The following NCKAP5 variants were observed in gnomAD, a reference collection of about 807,000 sequenced individuals.
NCKAP5 encodes the protein nck-associated protein 5.
Under a neutral mutation model 167.0 loss-of-function variants are expected in NCKAP5, and 92 were observed. The ratio of observed to expected loss-of-function variants is 0.55; its 90% CI spans 0.47 to 0.66. The LOEUF (loss-of-function observed/expected upper bound fraction) is 0.66, where lower values mean the gene tolerates loss of function less well. Ranked by LOEUF, NCKAP5 falls within the 30% of genes least tolerant of loss-of-function variation. NCKAP5 has a pLI of 0.00. For synonymous variants in NCKAP5, 891 were observed against 877.4 expected, an observed-to-expected ratio of 1.02 and a Z score of -0.27; for missense variants, 2,378 against 2,315.0, an observed-to-expected ratio of 1.03 and a Z score of -0.56.
intron 9 of NCKAP5, among the ~76,000 whole-genome samples, chr2:132,878,366 T>A (rs879922426): frequency 6.6e-6 from 1 of 152,218 alleles, no homozygotes; most frequent in Non-Finnish European, 1.5e-5. Context: ...ACTGATTTTT[T>A]TCCCTCTGGT....
At chr2:132,857,146 T>C in intron 11 of NCKAP5, among the ~76,000 whole-genome samples, 1 of 151,372 alleles carries the variant, frequency 6.6e-6, no homozygotes, top group East Asian at 2.0e-4. Flanking sequence ...TGCTTAGAGA[T>C]CTTTTTGTTG....
chr2:133,328,174 C>G (rs1653098454), intron 3 of NCKAP5, among the ~76,000 whole-genome samples: 1 of 152,214 alleles, frequency 6.6e-6, no homozygotes, highest in Non-Finnish European at 1.5e-5. Context: ...CTGACTCCCA[C>G]TGGTAGCAGA....
intron 5 of NCKAP5, among the ~76,000 whole-genome samples, chr2:133,133,391 T>C (rs2082678328): frequency 6.6e-6 from 1 of 152,232 alleles, no homozygotes; most frequent in Admixed American, 6.5e-5. Flanking sequence ...TCCCATGTTC[T>C]TCGAGCAAGA....
chr2:133,403,476 A>C (rs1574890044), intron 3 of NCKAP5, among the ~76,000 whole-genome samples: 1 of 152,282 alleles, frequency 6.6e-6, no homozygotes, highest in Middle Eastern at 3.4e-3. Flanking sequence ...TGTTTTATTG[A>C]GTTTTGAAAA....
At position 133,130,105 on chromosome 2, in the gene NCKAP5, T is replaced by C; in HGVS notation, c.214A>G (p.Lys72Glu). 1 of 1,608,108 alleles carries C rather than the reference T, an allele frequency of 6.2e-7. No homozygotes were observed. The highest frequency in any genetic ancestry group is 8.5e-7 in the Non-Finnish European group (1 of 1,178,348). ...TCCTCTTCCAGTTCATGTATCAGCT[T>C]CTCATGCTATAAAAGACACAAAGGG... is the stretch of plus-strand genomic sequence containing the variant. ...QRTSEGAMHE[K>E]LIHELEEERH... The change falls in exon 6 of 20, where the codon AAG becomes GAG. Residue 72 changes from lysine to glutamate, a missense_variant. This residue lies in a region of NCKAP5 where 1,049 missense variants were observed against 1,023.4 expected (regional missense o/e 1.02). Coordinates refer to ENST00000409261, the MANE Select transcript of NCKAP5 (RefSeq NM_207363.3).
At chr2:133,506,177 A>C (rs1682989467) in intron 3 of NCKAP5, among the ~76,000 whole-genome samples, 1 of 152,222 alleles carries the variant, frequency 6.6e-6, no homozygotes, top group African/African-American at 2.4e-5. Flanking sequence ...ACACCATGTC[A>C]CTGGTTACAT....
At chr2:133,126,961 TA>T (rs919930152) in intron 6 of NCKAP5, among the ~76,000 whole-genome samples, 23 of 152,202 alleles carry the variant, frequency 1.5e-4, no homozygotes, top group Admixed American at 1.0e-3. Flanking sequence ...GTTATTAGCT[TA>T]GTTTTTAAAA....
chr2:133,317,135 G>A lies in NCKAP5; in HGVS notation c.70-14025C>T, dbSNP rs187571647. 5.3e-5 allele frequency among the ~76,000 whole-genome samples: 8 copies of A among 152,254 alleles called. No individual in the cohort carries two copies. In the South Asian group the frequency reaches 6.2e-4, roughly 12 times the overall value. ...GCACATGCCCTCACAAAAAATAAAC[G>A]TGTATCACCAATAGAGAACATGAAA... On this transcript the variant is annotated intron_variant, in intron 3 of 19. Transcript: ENST00000409261.
At chr2:133,331,318 A>G (rs1303680721) in intron 3 of NCKAP5, among the ~76,000 whole-genome samples, 2 of 152,248 alleles carry the variant, frequency 1.3e-5, no homozygotes, top group Non-Finnish European at 2.9e-5. Context: ...AAAGTTTAAC[A>G]TTAATGATTA....
At chr2:132,941,702 A>G (rs1697312662) in intron 8 of NCKAP5, among the ~76,000 whole-genome samples, 1 of 152,172 alleles carries the variant, frequency 6.6e-6, no homozygotes, top group Admixed American at 6.6e-5. Context: ...TCATGAGTCG[A>G]CAAATTCCGT....
At chr2:133,015,082 G>C (rs1197132256) in intron 6 of NCKAP5, among the ~76,000 whole-genome samples, 1 of 152,112 alleles carries the variant, frequency 6.6e-6, no homozygotes, top group African/African-American at 2.4e-5. Context: ...AAGCCAGATG[G>C]TAAAAGGCTT....
chr2:133,146,903 T>C (rs533567226), intron 5 of NCKAP5, among the ~76,000 whole-genome samples: 1 of 152,288 alleles, frequency 6.6e-6, no homozygotes, highest in East Asian at 1.9e-4. Context: ...AAGAAACAAT[T>C]GTTTAAATCA....
At chr2:133,185,403 C>T (rs754718196) in intron 5 of NCKAP5, among the ~76,000 whole-genome samples, 1 of 152,060 alleles carries the variant, frequency 6.6e-6, no homozygotes, top group Non-Finnish European at 1.5e-5. Context: ...GTAATACCTC[C>T]AGCTATGCTT....
chr2:133,237,485 A>G (rs887861638), intron 4 of NCKAP5, among the ~76,000 whole-genome samples: 1 of 152,212 alleles, frequency 6.6e-6, no homozygotes, highest in Non-Finnish European at 1.5e-5. Flanking sequence ...TTTACATATG[A>G]CTTTATTTAT....
chr2:133,160,964 A>G (rs1389760100), intron 5 of NCKAP5, among the ~76,000 whole-genome samples: 1 of 152,178 alleles, frequency 6.6e-6, no homozygotes, highest in African/African-American at 2.4e-5. Flanking sequence ...GACCGGTAGC[A>G]GTCTGTGGCC....
intron 1 of NCKAP5, among the ~76,000 whole-genome samples, chr2:133,563,978 AC>A (rs1458019753): frequency 1.3e-5 from 2 of 152,170 alleles, no homozygotes; most frequent in African/African-American, 4.8e-5. Flanking sequence ...TACTAAAAAT[AC>A]AAAAATTATC....
At position 133,125,049 on chromosome 2, in the gene NCKAP5, T is replaced by C. The variant is rs184064239; in HGVS notation, c.341+4929A>G. ...GAACCTGAGCCAGACCCTGTCTCAATAATAATAATCATCATCATCATCTAC... is the reference window on the plus strand; with the variant it reads ...GAACCTGAGCCAGACCCTGTCTCAACAATAATAATCATCATCATCATCTAC... On this transcript the variant is annotated intron_variant, in intron 6 of 19. Transcript: ENST00000409261. Among the ~76,000 whole-genome samples the C allele has an allele frequency of 4.6e-5, 7 of 151,036 alleles. No individual in the cohort carries two copies. The East Asian group carries it at 1.4e-3, about 31-fold the overall frequency.
At chr2:133,132,012 A>G (rs1459807873) in intron 5 of NCKAP5, among the ~76,000 whole-genome samples, 1 of 152,040 alleles carries the variant, frequency 6.6e-6, no homozygotes, top group Non-Finnish European at 1.5e-5. Flanking sequence ...CATGCTACGA[A>G]GAATGTGAAG....
At position 132,800,121 on chromosome 2, in the gene NCKAP5, G is replaced by GA. The variant is rs981071379; in HGVS notation, c.808-3393dup. On this transcript the variant is annotated intron_variant, in intron 11 of 19. Transcript: ENST00000409261. ...GATACTATATTACCTGTGCTTCAGT[G>GA]AAAAATAGGTAGAATGTATACATTA... 6.4e-4 allele frequency among the ~76,000 whole-genome samples: 97 copies of GA among 152,224 alleles called. 1 individual carries two copies. Among genetic ancestry groups the GA allele is most frequent in the African/African-American group, 2.0e-3 (83 of 41,534 alleles).
Sources: allele counts gnomAD v4.1 joint callset (sites outside exome capture counted in the v4.1 genomes callset), GRCh38; gene constraint gnomAD v4.1.1; regional missense constraint gnomAD v4.1.1; transcripts MANE v1.5; gene names NCBI Gene and HGNC (gene_info 2026-07-23, HGNC 2026-07-21).